The following MAP2 variants were observed in gnomAD, a reference collection of about 807,000 sequenced individuals.
The protein encoded by MAP2 is microtubule-associated protein 2.
A neutral mutation model predicts 137.6 loss-of-function variants in MAP2; 14 were observed. The ratio of observed to expected loss-of-function variants is 0.10; its 90% CI spans 0.07 to 0.16. The LOEUF (loss-of-function observed/expected upper bound fraction) is 0.16. Among genes scored for constraint, MAP2 ranks in the 10% least tolerant of loss-of-function variants. MAP2 has a pLI of 1.00. For synonymous variants in MAP2, 786 were observed against 782.3 expected (o/e 1.00, Z -0.08); for missense variants, 2,088 against 2,191.5 (o/e 0.95, Z 0.94).
chr2:209,589,210 A>G (rs760971126), intron 3 of MAP2, among the ~76,000 whole-genome samples: 3 of 152,148 alleles, frequency 2.0e-5, no homozygotes, highest in Non-Finnish European at 4.4e-5. Flanking sequence ...GTAATATGAA[A>G]CATTTTCTAA....
chr2:209,567,149 T>C lies in MAP2; in HGVS notation c.-171-12887T>C, dbSNP rs975886764. ...CAATGATCTCAGTGACAACATATCT[T>C]CCTCCCCATCAGCGACTTCTTCCAT... On this transcript the variant is annotated intron_variant, in intron 2 of 15. Coordinates refer to ENST00000682079, the MANE Select transcript of MAP2 (RefSeq NM_001375505.1). 3.5e-4 allele frequency among the ~76,000 whole-genome samples: 53 copies of C among 152,224 alleles called. 1 individual carries two copies. Among genetic ancestry groups the C allele is most frequent in the Admixed American group, 3.3e-3 (50 of 15,282 alleles).
intron 13 of MAP2, among the ~76,000 whole-genome samples, chr2:209,712,777 G>C (rs771484431): frequency 4.6e-5 from 7 of 152,076 alleles, no homozygotes; most frequent in Non-Finnish European, 7.4e-5. Flanking sequence ...AGATCTTATA[G>C]AACGACTGAA....
Position 209,603,187 on chromosome 2 carries a change from G to A in MAP2, c.-106-21866G>A, listed in dbSNP as rs572086881. Among the ~76,000 whole-genome samples, 15 of 152,114 alleles carry A rather than the reference G, an allele frequency of 9.9e-5. No homozygotes were observed. The East Asian group carries it at 1.2e-3, about 12-fold the overall frequency. ...GATTGCCTGTCCAAACTGACCTGAC[G>A]CCCACAAATTTAGGGGGAAAAGAAA... On this transcript the variant is annotated intron_variant, in intron 3 of 15. Coordinates refer to ENST00000682079, the MANE Select transcript of MAP2 (RefSeq NM_001375505.1).
chr2:209,454,731 T>C (rs1279997510), intron 1 of MAP2, among the ~76,000 whole-genome samples: 1 of 152,254 alleles, frequency 6.6e-6, no homozygotes, highest in Non-Finnish European at 1.5e-5. Flanking sequence ...TGCATTATTA[T>C]GTAAATATAT....
At chr2:209,592,874 A>T (rs942806456) in intron 3 of MAP2, among the ~76,000 whole-genome samples, 6 of 152,098 alleles carry the variant, frequency 3.9e-5, no homozygotes, top group Admixed American at 3.9e-4. Context: ...TTCTGTGCTT[A>T]GGGTATTCCT....
chr2:209,624,018 C>T (rs146130138), intron 3 of MAP2, among the ~76,000 whole-genome samples: 83 of 152,288 alleles, frequency 5.5e-4, no homozygotes, highest in African/African-American at 1.9e-3. Context: ...CTGGCCCAGA[C>T]CATATTTTTT....
intron 1 of MAP2, among the ~76,000 whole-genome samples, chr2:209,448,202 G>T (rs1699540647): frequency 6.6e-6 from 1 of 152,100 alleles, no homozygotes; most frequent in South Asian, 2.1e-4. Context: ...GAGGTCTATT[G>T]TTGAAATTTG....
In MAP2 at chr2:209,560,324, ACTTTT is replaced by A. The variant is rs1398476339; in HGVS notation, c.-171-19708_-171-19704del. On this transcript the variant is annotated intron_variant, in intron 2 of 15. Transcript: ENST00000682079. ...TACATTTGTGATTTCTTGTGTTTTT[ACTTTT>A]CTTACATTTATTTAGTAGGTCTGAA... is the stretch of plus-strand genomic sequence containing the variant. Among the ~76,000 whole-genome samples the A allele has an allele frequency of 7.2e-5, 11 of 152,318 alleles. 1 individual carries two copies. The highest frequency in any genetic ancestry group is 7.2e-4 in the Admixed American group (11 of 15,298).
chr2:209,688,442 T>C (rs919671378), intron 7 of MAP2, among the ~76,000 whole-genome samples: 1 of 152,208 alleles, frequency 6.6e-6, no homozygotes, highest in African/African-American at 2.4e-5. Flanking sequence ...ATATGATAGA[T>C]CTTTAAAAGA....
chr2:209,481,610 CA>C (rs1410251736), intron 1 of MAP2, among the ~76,000 whole-genome samples: 47 of 152,280 alleles, frequency 3.1e-4, no homozygotes, highest in African/African-American at 1.1e-3. Flanking sequence ...ACATCTAAAT[CA>C]CATAAAATTG....
intron 1 of MAP2, among the ~76,000 whole-genome samples, chr2:209,439,612 T>TGA (rs1265025729): frequency 6.6e-6 from 1 of 151,360 alleles, no homozygotes; most frequent in Non-Finnish European, 1.5e-5. Flanking sequence ...TCTCAGGAAG[T>TGA]GAGAGAGAGT....
chr2:209,424,484 GC>G (rs373280162), intron 1 of MAP2, among the ~76,000 whole-genome samples: 76 of 152,320 alleles, frequency 5.0e-4, no homozygotes, highest in African/African-American at 1.7e-3. Context: ...GGAGCAGGGG[GC>G]CGGACGCTAC....
At chr2:209,556,308 T>A (rs960933060) in intron 2 of MAP2, among the ~76,000 whole-genome samples, 2 of 152,170 alleles carry the variant, frequency 1.3e-5, no homozygotes, top group Admixed American at 6.5e-5. Flanking sequence ...CCTCCCAAAG[T>A]GCAGGGATTG....
chr2:209,496,625 C>T (rs1042377778), intron 1 of MAP2, among the ~76,000 whole-genome samples: 2 of 152,136 alleles, frequency 1.3e-5, no homozygotes, highest in African/African-American at 4.8e-5. Flanking sequence ...GCCAGAAACT[C>T]ACACTTAATG....
intron 2 of MAP2, among the ~76,000 whole-genome samples, chr2:209,528,684 G>C (rs1453058936): frequency 6.6e-6 from 1 of 151,618 alleles, no homozygotes; most frequent in Non-Finnish European, 1.5e-5. Flanking sequence ...GAATAGCTGA[G>C]CCCATGTCAT....
intron 1 of MAP2, among the ~76,000 whole-genome samples, chr2:209,464,377 T>A (rs1410939738): frequency 6.6e-6 from 1 of 152,194 alleles, no homozygotes; most frequent in Admixed American, 6.5e-5. Context: ...TACATGTGAT[T>A]ATTTAAAGTA....
chr2:209,466,371 G>A (rs1575488125), intron 1 of MAP2, among the ~76,000 whole-genome samples: 1 of 152,204 alleles, frequency 6.6e-6, no homozygotes, highest in East Asian at 1.9e-4. Context: ...ATGACATTTG[G>A]AAGTAGATTT....
intron 1 of MAP2, among the ~76,000 whole-genome samples, chr2:209,458,236 G>C (rs1408414515): frequency 1.3e-5 from 2 of 152,138 alleles, no homozygotes; most frequent in Non-Finnish European, 2.9e-5. Context: ...ACTGTTTGGA[G>C]TCACAGAAGA....
intron 3 of MAP2, among the ~76,000 whole-genome samples, chr2:209,594,551 T>C (rs1188881190): frequency 2.6e-5 from 4 of 152,254 alleles, no homozygotes; most frequent in African/African-American, 9.6e-5. Context: ...CCGTCTGCAT[T>C]TGATGTCTAG....
Sources: allele counts gnomAD v4.1 joint callset (sites outside exome capture counted in the v4.1 genomes callset), GRCh38; gene constraint gnomAD v4.1.1; transcripts MANE v1.5; gene names NCBI Gene and HGNC (gene_info 2026-07-23, HGNC 2026-07-21).